Variants in GPR108 observed in about 807,000 individuals in gnomAD.
GPR108 encodes the protein protein GPR108.
GPR108 carries 60 observed loss-of-function variants against 74.3 expected under a neutral mutation model. The observed-to-expected ratio is 0.81, with a 90% CI of 0.66 to 1.00. The LOEUF (loss-of-function observed/expected upper bound fraction) is 1.00. GPR108 is among the 50% of genes least tolerant of loss of function. The pLI, the probability that GPR108 is intolerant of heterozygous loss-of-function variation, is 0.00. For missense variants in GPR108, 667 were observed against 703.3 expected (o/e 0.95, Z 0.58); for synonymous variants, 311 against 292.4 (o/e 1.06, Z -0.65).
chr19:6,737,066 C>G (rs148380464), intron 1 of GPR108: 1 of 385,730 alleles, frequency 2.6e-6, no homozygotes, highest in Non-Finnish European at 4.8e-6. Context: ...TCAACAGAAC[C>G]CCCCAAATCC....
At chr19:6,736,390 G>T (rs915416528) in intron 2 of GPR108, among the ~76,000 whole-genome samples, 6 of 152,100 alleles carry the variant, frequency 3.9e-5, no homozygotes, top group African/African-American at 1.2e-4. Context: ...GAGCCACCGC[G>T]CCCCGCCTGT....
chr19:6,733,536 G>A (rs1212329420), intron 8 of GPR108, 34 bp downstream of exon 8: 6 of 1,582,948 alleles, frequency 3.8e-6, no homozygotes, highest in Non-Finnish European at 4.3e-6. Flanking sequence ...TGCAGGGGGC[G>A]CTCCCTGGCC....
In GPR108 at chr19:6,734,363, C is replaced by T. The variant is rs755442235; in HGVS notation, c.375-56G>A. ...TGGGGGGCTGAACTTGGCTCAGGCA[C>T]CGGCAAAGGACTCAGTGGCCCCTTG... On this transcript the variant is annotated intron_variant, in intron 4 of 17. Transcript: ENST00000264080. The T allele has an allele frequency of 1.0e-4, 164 of 1,576,826 alleles. 1 individual carries two copies. The highest frequency in any genetic ancestry group is 3.6e-4 in the Admixed American group (21 of 58,266).
rs768554314 is a variant in GPR108, at chr19:6,731,209, C to T, written c.1424G>A (p.Trp475Ter). The change falls in exon 16 of 18, where the codon TGG (tryptophan) becomes TAG (stop). Residue 475 changes from tryptophan (W) to a stop codon, truncating the protein, a stop_gained. Coordinates refer to ENST00000264080, the MANE Select transcript of GPR108 (RefSeq NM_001080452.2). LOFTEE classifies it high-confidence loss of function. ...GGGCCTCGGGCTCACCTGGTACAGC[C>T]ACTGCCACTGAAAGGGCACAGCCAC... is the stretch of plus-strand genomic sequence containing the variant. ...LQVAVPFQWQ[W>*]LYQLLVEGST... 56 of 1,581,104 alleles carry T rather than the reference C, an allele frequency of 3.5e-5. No individual in the cohort carries two copies. Among genetic ancestry groups the T allele is most frequent in the Non-Finnish European group, 4.5e-5 (52 of 1,160,474 alleles).
rs749424232 is a variant in GPR108 at position 6,734,065 on chromosome 19, C to A, written c.500-11G>T. On this transcript the variant is annotated splice_polypyrimidine_tract_variant and intron_variant, in intron 5 of 17. Coordinates refer to ENST00000264080, the MANE Select transcript of GPR108 (RefSeq NM_001080452.2). Reference sequence around the variant, plus strand: ...CTGCAGAGGTCCCTCCTGTAAGAGACCGGGCAGTGATTTTAAGAGATGGAT... The same window carrying A: ...CTGCAGAGGTCCCTCCTGTAAGAGAACGGGCAGTGATTTTAAGAGATGGAT... 8 of 1,614,028 alleles carry A rather than the reference C, an allele frequency of 5.0e-6. No individual in the cohort carries two copies. In the Admixed American group the frequency reaches 8.3e-5, roughly 17 times the overall value.
intron 17 of GPR108, chr19:6,730,710 C>T (rs1181902417): frequency 3.5e-6 from 2 of 566,232 alleles, no homozygotes; most frequent in Non-Finnish European, 6.3e-6. Flanking sequence ...CCCGCCCACC[C>T]CCGCCCCCAG....
chr19:6,731,437 C>G, intron 15 of GPR108, 36 bp downstream of exon 15: 1 of 1,516,128 alleles, frequency 6.6e-7, no homozygotes, highest in Non-Finnish European at 8.8e-7. Context: ...GGCCGGTAAT[C>G]CCCCCAAACC....
chr19:6,736,939 C>T, intron 1 of GPR108: 1 of 578,724 alleles, frequency 1.7e-6, no homozygotes, highest in Non-Finnish European at 3.0e-6. Flanking sequence ...TCCTGCGGCA[C>T]CTGGAAGTCT....
Position 6,732,596 on chromosome 19 carries a change from G to A in GPR108, c.934-47C>T, listed in dbSNP as rs1481276900. ...GACAGTGAGGCGCACAGAGGGGTGGGAGGCTGATGGTGGTGGTGGGGGATT... is the reference window on the plus strand; with the variant it reads ...GACAGTGAGGCGCACAGAGGGGTGGAAGGCTGATGGTGGTGGTGGGGGATT... On this transcript the variant is annotated intron_variant, in intron 10 of 17. Coordinates refer to ENST00000264080, the MANE Select transcript of GPR108 (RefSeq NM_001080452.2). The A allele has an allele frequency of 2.8e-6, 4 of 1,413,834 alleles. No individual in the cohort carries two copies. The African/African-American group carries it at 5.6e-5, about 20-fold the overall frequency. The allele number at this position is 1,413,834 out of a possible 1,614,324, so 87.6% of individuals were successfully genotyped here. A position where few individuals can be genotyped will look rare whatever the true frequency, so the allele number is the denominator to read the frequency against.
At chr19:6,731,410 G>A in intron 15 of GPR108, 63 bp downstream of exon 15, 1 of 1,498,936 alleles carries the variant, frequency 6.7e-7, no homozygotes, top group East Asian at 2.3e-5. Flanking sequence ...CTGAGGGGCT[G>A]GGGTGGGCGT....
In GPR108 at chr19:6,734,850, T is replaced by TCA. The variant is rs1279383806; in HGVS notation, c.375-544_375-543insTG. 1.1e-3 allele frequency among the ~76,000 whole-genome samples: 23 copies of TCA among 21,884 alleles called. No individual in the cohort carries two copies. The South Asian group carries it at 0.022, about 21-fold the overall frequency. 14.4% of individuals were successfully genotyped at this position (21,884 alleles called of 152,430 possible). ...ATGAGCCACCATGGCCAGCCCTACATTATTATTATTATTATTATTATTATT... is the reference window on the plus strand; with the variant it reads ...ATGAGCCACCATGGCCAGCCCTACATCATATTATTATTATTATTATTATTATT... On this transcript the variant is annotated intron_variant, in intron 4 of 17. Transcript: ENST00000264080.
In GPR108 at chr19:6,732,977, A is replaced by T; in HGVS notation, c.933+10T>A. 1 of 1,580,810 alleles carries T rather than the reference A, an allele frequency of 6.3e-7. No homozygotes were observed. The highest frequency in any genetic ancestry group is 1.1e-5 in the South Asian group (1 of 87,222). Reference sequence around the variant, plus strand: ...CCACCCCCCGCTGCTCCCCGGTCCAAGGCTCTCACGCTGTGGAAGAGGAGA... The same window carrying T: ...CCACCCCCCGCTGCTCCCCGGTCCATGGCTCTCACGCTGTGGAAGAGGAGA... On this transcript the variant is annotated intron_variant, in intron 10 of 17. Coordinates refer to ENST00000264080, the MANE Select transcript of GPR108 (RefSeq NM_001080452.2).
chr19:6,736,814 C>T (rs1185227535), intron 1 of GPR108, 103 bp from the exon 2 acceptor site: 1 of 1,497,994 alleles, frequency 6.7e-7, no homozygotes, highest in Non-Finnish European at 9.1e-7. Flanking sequence ...TGGTACCCCT[C>T]TATTTAGGAC....
chr19:6,733,007 T>C lies in GPR108; in HGVS notation c.913A>G (p.Ile305Val). ...LMAALAFTKS[I>V]SLLFHSINYY... ...CTCACGCTGTGGAAGAGGAGAGAGA[T>C]GCTCTTGGTGAAGGCCAAGGCCGCC... Residue 305 changes from isoleucine to valine, a missense_variant, in exon 10 of 18, where the codon ATC becomes GTC. Coordinates refer to ENST00000264080, the MANE Select transcript of GPR108 (RefSeq NM_001080452.2). 1.9e-6 allele frequency: 3 copies of C among 1,606,294 alleles called. No homozygotes were observed. The South Asian group carries it at 3.3e-5, about 18-fold the overall frequency.
At position 6,733,353 on chromosome 19, in the gene GPR108, C is replaced by T. The variant is rs761326800; in HGVS notation, c.724-52G>A. ...GGCAGGGGCACAGCCCGACCGCTGGCCTGGGAGAGCAGCGAGTGGGGGTCT... is the reference window on the plus strand; with the variant it reads ...GGCAGGGGCACAGCCCGACCGCTGGTCTGGGAGAGCAGCGAGTGGGGGTCT... On this transcript the variant is annotated intron_variant, in intron 8 of 17. Transcript: ENST00000264080. 1.4e-5 allele frequency: 22 copies of T among 1,576,248 alleles called. No individual in the cohort carries two copies. In the African/African-American group the frequency reaches 2.7e-4, roughly 19 times the overall value.
rs772008885 is a variant in GPR108 at position 6,736,135 on chromosome 19, C to G, written c.241-177G>C. ...GTGGTGGGTGGACCTCATTCTGTTT[C>G]TCAAGCTGGAATACAGTGGCAGGAT... On this transcript the variant is annotated intron_variant, in intron 2 of 17. Transcript: ENST00000264080. 1.2e-3 allele frequency among the ~76,000 whole-genome samples: 183 copies of G among 152,272 alleles called. 1 individual carries two copies. Among genetic ancestry groups the G allele is most frequent in the Middle Eastern group, 3.4e-3 (1 of 294 alleles).
intron 8 of GPR108, 48 bp downstream of exon 8, chr19:6,733,522 G>T: frequency 6.4e-7 from 1 of 1,557,752 alleles, no homozygotes; most frequent in Non-Finnish European, 8.9e-7. Flanking sequence ...GGCCCGCAGT[G>T]GCCTGCAGGG....
At chr19:6,732,453 C>G in intron 11 of GPR108, 23 bp downstream of exon 11, 1 of 1,612,866 alleles carries the variant, frequency 6.2e-7, no homozygotes, top group Non-Finnish European at 8.5e-7. Flanking sequence ...CCCCAGCTGC[C>G]CAGCAGAGTG....
At chr19:6,733,519 AGT>A in intron 8 of GPR108, 49 bp downstream of exon 8, 1 of 1,551,840 alleles carries the variant, frequency 6.4e-7, no homozygotes, top group Non-Finnish European at 8.9e-7. Flanking sequence ...CTGGGCCCGC[AGT>A]GGCCTGCAGG....
Sources: allele counts gnomAD v4.1 joint callset (sites outside exome capture counted in the v4.1 genomes callset), GRCh38; gene constraint gnomAD v4.1.1; transcripts MANE v1.5; gene names NCBI Gene and HGNC (gene_info 2026-07-23, HGNC 2026-07-21).